PDE1A: variants seen among roughly 807,000 people sequenced by gnomAD.
PDE1A encodes phosphodiesterase 1A, also known as dual specificity calcium/calmodulin-dependent 3',5'-cyclic nucleotide phosphodiesterase 1A.
Under a neutral mutation model 61.7 loss-of-function variants are expected in PDE1A, and 35 were observed. The ratio of observed to expected loss-of-function variants is 0.57; its 90% CI spans 0.43 to 0.75. The LOEUF (loss-of-function observed/expected upper bound fraction) is 0.75. Among genes scored for constraint, PDE1A ranks in the 30% least tolerant of loss-of-function variants. The probability of loss-of-function intolerance (pLI) is 0.00; values close to 1 mark genes in which losing one functional copy is unlikely to be tolerated. For missense variants in PDE1A, 597 were observed against 630.6 expected (o/e 0.95, Z 0.57); for synonymous variants, 232 against 213.2 (o/e 1.09, Z -0.77).
Position 182,465,313 on chromosome 2 carries a change from T to C in PDE1A, c.101+56963A>G, listed in dbSNP as rs149116744. Among the ~76,000 whole-genome samples the C allele has an allele frequency of 2.4e-4, 37 of 152,244 alleles. No homozygotes were observed. The East Asian group carries it at 7.2e-3, about 29-fold the overall frequency. ...TGTCTATGCCTAAGAATTTTTACAA[T>C]TTTCCTTTCCAAACATGCATACAAA... is the stretch of plus-strand genomic sequence containing the variant. On this transcript the variant is annotated intron_variant, in intron 2 of 14. Coordinates refer to the PDE1A transcript ENST00000410103.
At chr2:182,649,266 A>G in the PDE1A span, among the ~76,000 whole-genome samples, 45 of 152,342 alleles carry the variant, frequency 3.0e-4, no homozygotes, top group African/African-American at 9.4e-4. Context: ...TTTGTGCAAC[A>G]TAAGTTATTA....
rs1468005040 is a variant in PDE1A at position 182,486,592 on chromosome 2, A to T, written c.101+35684T>A. Among the ~76,000 whole-genome samples, 7 of 152,276 alleles carry T rather than the reference A, an allele frequency of 4.6e-5. No individual in the cohort carries two copies. The East Asian group carries it at 1.4e-3, about 29-fold the overall frequency. On this transcript the variant is annotated intron_variant, in intron 2 of 14. Coordinates refer to the PDE1A transcript ENST00000410103. Reference sequence around the variant, plus strand: ...AGACAGTTGGTACTAGCATAAATTGACATATAGACAAACAGAACAGAATTG... The same window carrying T: ...AGACAGTTGGTACTAGCATAAATTGTCATATAGACAAACAGAACAGAATTG...
At chr2:182,315,106 C>A (rs970279593) in intron 1 of PDE1A, among the ~76,000 whole-genome samples, 1 of 152,030 alleles carries the variant, frequency 6.6e-6, no homozygotes. Context: ...AATAATACTC[C>A]TTGATTAATT....
At chr2:182,397,379 A>G (rs1488218431) in intron 1 of PDE1A, among the ~76,000 whole-genome samples, 6 of 152,252 alleles carry the variant, frequency 3.9e-5, no homozygotes, top group Non-Finnish European at 5.9e-5. Flanking sequence ...CATATCCCCA[A>G]AAGTGATTGT....
At chr2:182,691,212 A>G in the PDE1A span, among the ~76,000 whole-genome samples, 3 of 152,174 alleles carry the variant, frequency 2.0e-5, no homozygotes, top group South Asian at 2.1e-4. Flanking sequence ...AAAAGAGCCC[A>G]CATCACCAAG....
At chr2:182,233,975 T>C (rs1355821343) in intron 4 of PDE1A, among the ~76,000 whole-genome samples, 2 of 152,208 alleles carry the variant, frequency 1.3e-5, no homozygotes, top group African/African-American at 2.4e-5. Context: ...AATTTTATCT[T>C]ACATTTTGTA....
intron 2 of PDE1A, among the ~76,000 whole-genome samples, chr2:182,260,351 G>A (rs967649193): frequency 3.9e-5 from 6 of 152,132 alleles, no homozygotes; most frequent in South Asian, 2.1e-4. Context: ...AATGCTTCTT[G>A]GACCTGACTC....
In PDE1A at chr2:182,201,429, A is replaced by T. The variant is rs758297271; in HGVS notation, c.1125+10T>A. The T allele has an allele frequency of 9.3e-6, 15 of 1,613,558 alleles. No homozygotes were observed. In the Admixed American group the frequency reaches 1.0e-4, roughly 11 times the overall value. On this transcript the variant is annotated intron_variant, in intron 10 of 13. Coordinates refer to ENST00000351439, the Ensembl canonical transcript of PDE1A. ...TCCAAAAACATTTGCACAGAGTGTG[A>T]AAGAGGCACCTGCAGGAAAAACTCC...
chr2:182,633,879 T>A, the PDE1A span, among the ~76,000 whole-genome samples: 3 of 150,620 alleles, frequency 2.0e-5, no homozygotes, highest in Admixed American at 6.6e-5. Context: ...AGCCCAGGAG[T>A]TCAAGACCAG....
chr2:182,661,330 C>T, the PDE1A span, among the ~76,000 whole-genome samples: 3 of 152,096 alleles, frequency 2.0e-5, no homozygotes, highest in African/African-American at 4.8e-5. Flanking sequence ...AATGCTCTTA[C>T]CTAATATATG....
chr2:182,302,937 A>G (rs1383743071), intron 1 of PDE1A, among the ~76,000 whole-genome samples: 1 of 152,242 alleles, frequency 6.6e-6, no homozygotes, highest in African/African-American at 2.4e-5. Context: ...GCAACTCTTC[A>G]TCCACTTAAG....
intron 1 of PDE1A, among the ~76,000 whole-genome samples, chr2:182,326,864 T>C (rs977580209): frequency 2.6e-5 from 4 of 152,150 alleles, no homozygotes; most frequent in African/African-American, 7.2e-5. Context: ...TTTCTGAATA[T>C]TGGTGATTCA....
the PDE1A span, among the ~76,000 whole-genome samples, chr2:182,638,148 G>T: frequency 1.3e-5 from 2 of 152,148 alleles, no homozygotes; most frequent in Non-Finnish European, 2.9e-5. Flanking sequence ...TATCCTTTGG[G>T]AGTGTAAGAT....
At chr2:182,271,885 GAAAC>G (rs151026099) in intron 1 of PDE1A, among the ~76,000 whole-genome samples, 40,033 of 151,698 alleles carry the variant, frequency 0.26, 5,396 homozygotes, top group Middle Eastern at 0.37. Flanking sequence ...GAACTATTAA[GAAAC>G]AAACAAAAAA....
At chr2:182,253,959 GT>G (rs1253151238) in intron 2 of PDE1A, among the ~76,000 whole-genome samples, 1 of 151,992 alleles carries the variant, frequency 6.6e-6, no homozygotes, top group Non-Finnish European at 1.5e-5. Context: ...TGAATAATAT[GT>G]TGCCTTGGAT....
At chr2:182,514,196 A>G (rs967003729) in intron 2 of PDE1A, among the ~76,000 whole-genome samples, 5 of 152,262 alleles carry the variant, frequency 3.3e-5, no homozygotes, top group Non-Finnish European at 7.3e-5. Flanking sequence ...AAATAAATGG[A>G]AAAACATTCC....
intron 1 of PDE1A, among the ~76,000 whole-genome samples, chr2:182,269,720 GTTGT>G (rs1219029154): frequency 6.6e-6 from 1 of 151,954 alleles, no homozygotes; most frequent in Non-Finnish European, 1.5e-5. Context: ...GTAGATACTA[GTTGT>G]TTAAGAATGA....
chr2:182,341,204 T>C (rs1302288025), intron 1 of PDE1A, among the ~76,000 whole-genome samples: 4 of 152,176 alleles, frequency 2.6e-5, no homozygotes, highest in African/African-American at 9.7e-5. Context: ...CCCTTCATTT[T>C]ATTAAGGAGA....
chr2:182,340,749 T>C (rs1698132707), intron 1 of PDE1A, among the ~76,000 whole-genome samples: 1 of 152,210 alleles, frequency 6.6e-6, no homozygotes, highest in Non-Finnish European at 1.5e-5. Flanking sequence ...TTAAAAATAA[T>C]TTAATGATGA....
Sources: gnomAD v4.1 joint callset for allele counts (sites outside exome capture counted in the v4.1 genomes callset) on GRCh38, gnomAD v4.1.1 for gene constraint, MANE v1.5 for transcripts, NCBI Gene and HGNC (gene_info 2026-07-23, HGNC 2026-07-21) for gene names.